The following ARID3A variants were observed in gnomAD, a reference collection of about 807,000 sequenced individuals.
ARID3A encodes AT-rich interactive domain-containing protein 3A.
A neutral mutation model predicts 52.7 loss-of-function variants in ARID3A; 11 were observed. The ratio of observed to expected loss-of-function variants is 0.21; its 90% CI spans 0.13 to 0.35. The LOEUF is 0.35. ARID3A is among the 10% of genes least tolerant of loss of function. The pLI is 1.00. For synonymous variants in ARID3A, 404 were observed against 359.4 expected (o/e 1.12, Z -1.40); for missense variants, 721 against 838.5 (o/e 0.86, Z 1.73).
chr19:966,972 A>G, intron 7 of ARID3A, 104 bp downstream of exon 7: 1 of 1,362,956 alleles, frequency 7.3e-7, no homozygotes, highest in Non-Finnish European at 9.6e-7. Flanking sequence ...AATAAGAAAA[A>G]AAAAGCCGGG....
At chr19:933,749 A>G (rs556104713) in intron 3 of ARID3A, among the ~76,000 whole-genome samples, 34 of 150,620 alleles carry the variant, frequency 2.3e-4, no homozygotes, top group African/African-American at 6.8e-4. Flanking sequence ...AGCCCTCAAG[A>G]GACTTAAGGT....
chr19:949,575 G>A lies in ARID3A; in HGVS notation c.694-10517G>A, dbSNP rs1430480181. 2.0e-5 allele frequency among the ~76,000 whole-genome samples: 3 copies of A among 152,024 alleles called. No individual in the cohort carries two copies. In the East Asian group the frequency reaches 5.8e-4, roughly 29 times the overall value. ...TCCTCCTGCCTCGGCCTCCCAAAGT[G>A]CTGGGATTATAGGCAGGAGCCGCCG... On this transcript the variant is annotated intron_variant, in intron 3 of 8. Transcript: ENST00000263620.
intron 3 of ARID3A, among the ~76,000 whole-genome samples, chr19:957,157 C>T (rs545763760): frequency 3.3e-4 from 50 of 152,144 alleles, no homozygotes; most frequent in Middle Eastern, 3.4e-3. Flanking sequence ...GTACCCCAGA[C>T]GGAGCCTCTT....
chr19:940,411 A>AG (rs1485998295), intron 3 of ARID3A, among the ~76,000 whole-genome samples: 1 of 151,566 alleles, frequency 6.6e-6, no homozygotes, highest in Non-Finnish European at 1.5e-5. Flanking sequence ...GTGTAGCAGG[A>AG]GGGGTGGGCA....
chr19:961,186 T>C (rs892506125), intron 4 of ARID3A, among the ~76,000 whole-genome samples: 1 of 152,140 alleles, frequency 6.6e-6, no homozygotes, highest in Admixed American at 6.5e-5. Flanking sequence ...CAGAGGGCTC[T>C]GTCCCTGCAC....
chr19:944,168 C>G lies in ARID3A; in HGVS notation c.693+11426C>G, dbSNP rs2037622095. Among the ~76,000 whole-genome samples, 1 of 152,190 alleles carries G rather than the reference C, an allele frequency of 6.6e-6. No homozygotes were observed. The highest frequency in any genetic ancestry group is 2.4e-5 in the African/African-American group (1 of 41,404). Reference sequence around the variant, plus strand: ...GGGCACCTGCTGTATGCCAGCCTGCCTGCGTACTGGGGACACAGCCGTGCA... The same window carrying G: ...GGGCACCTGCTGTATGCCAGCCTGCGTGCGTACTGGGGACACAGCCGTGCA... On this transcript the variant is annotated intron_variant, in intron 3 of 8. Transcript: ENST00000263620. The surrounding 1 kb of genome is among the most constrained non-coding windows in gnomAD (Gnocchi z 5.9).
Position 944,187 on chromosome 19 carries a change from C to T in ARID3A, c.693+11445C>T, listed in dbSNP as rs1269487708. On this transcript the variant is annotated intron_variant, in intron 3 of 8. Transcript: ENST00000263620. This position sits in a 1 kb window ranked among gnomAD's most constrained non-coding sequence, Gnocchi z 5.9. The stretch of plus-strand genomic sequence containing the variant: ...GCCTGCCTGCGTACTGGGGACACAG[C>T]CGTGCATGAAGCAGAAGCTCCTGCC... Among the ~76,000 whole-genome samples the T allele has an allele frequency of 2.0e-5, 3 of 152,226 alleles. No homozygotes were observed. Among genetic ancestry groups the T allele is most frequent in the Admixed American group, 1.3e-4 (2 of 15,278 alleles).
In ARID3A at chr19:965,043, T is replaced by C. The variant is rs12608658; in HGVS notation, c.1161T>C (p.Asn387=). The C allele has an allele frequency of 0.97, 1,563,549 of 1,613,254 alleles. 758,424 individuals carry two copies. Among genetic ancestry groups the C allele is most frequent in the East Asian group, 1 (44,870 of 44,876 alleles). ...CCCTGGGCCTGGCCGCAAGCACCAA[T>C]GGCAGCTCCATCACCCCCGCCCCTA... ...VSSLGLAAST[N]GSSITPAPKI... is the part of the protein sequence containing the mutation. The change falls in exon 6 of 9, where the codon AAT becomes AAC. Residue 387 remains asparagine (N), a synonymous_variant. Coordinates refer to ENST00000263620, the MANE Select transcript of ARID3A (RefSeq NM_005224.3).
At position 972,176 on chromosome 19, in the gene ARID3A, A is replaced by T; in HGVS notation, c.*111A>T. 1 of 989,402 alleles carries T rather than the reference A, an allele frequency of 1.0e-6. No individual in the cohort carries two copies. Among genetic ancestry groups the T allele is most frequent in the Non-Finnish European group, 1.4e-6 (1 of 706,462 alleles). 61.3% of individuals were successfully genotyped at this position (989,402 alleles called of 1,614,324 possible). The stretch of plus-strand genomic sequence containing the variant: ...CGGAAGATACGGGTGGGGAGGGAAG[A>T]TATCCAGAAAGGAGCCACAGCTGAC... On this transcript the variant is annotated 3_prime_UTR_variant, in exon 9 of 9. Transcript: ENST00000263620.
chr19:932,761 C>T lies in ARID3A; in HGVS notation c.693+19C>T, dbSNP rs560858374. The T allele has an allele frequency of 1.0e-3, 1,573 of 1,546,214 alleles. 4 individuals carry two copies. The highest frequency in any genetic ancestry group is 1.1e-3 in the Non-Finnish European group (1,298 of 1,146,194). On this transcript the variant is annotated intron_variant, in intron 3 of 8. Coordinates refer to ENST00000263620, the MANE Select transcript of ARID3A (RefSeq NM_005224.3). ...TAAGCAGGTGAGTGGGCGCGTCCCG[C>T]GTGGCGGCTGAGGCACCTGCTCCTG...
chr19:932,377 C>T (rs732139), intron 2 of ARID3A, 41 bp from the exon 3 acceptor site: 86,688 of 1,579,094 alleles, frequency 0.055, 2,678 homozygotes, highest in African/African-American at 0.12. Flanking sequence ...TGGGACGAGC[C>T]AGCACCTTCT....
At chr19:933,536 C>G (rs1169081403) in intron 3 of ARID3A, among the ~76,000 whole-genome samples, 1 of 152,154 alleles carries the variant, frequency 6.6e-6, no homozygotes, top group Non-Finnish European at 1.5e-5. Context: ...GGGGCTGGAG[C>G]TGGTCTGGGC....
At chr19:932,132 G>A (rs546944107) in intron 2 of ARID3A, among the ~76,000 whole-genome samples, 59 of 152,146 alleles carry the variant, frequency 3.9e-4, no homozygotes, top group African/African-American at 1.4e-3. Context: ...GAGTGCTGCC[G>A]GGATTATAGG....
intron 3 of ARID3A, among the ~76,000 whole-genome samples, chr19:937,837 G>T (rs2037468640): frequency 6.6e-6 from 1 of 151,084 alleles, no homozygotes; most frequent in African/African-American, 2.4e-5. Context: ...CTCCCGAGTA[G>T]CTGGGACTAC....
At chr19:931,436 AGT>A (rs2037324173) in intron 2 of ARID3A, among the ~76,000 whole-genome samples, 2 of 147,762 alleles carry the variant, frequency 1.4e-5, no homozygotes, top group Admixed American at 1.4e-4. Context: ...TGGGCAACAA[AGT>A]GAGACTGTGT....
rs117058565 is a variant in ARID3A at position 942,050 on chromosome 19, G to T, written c.693+9308G>T. Among the ~76,000 whole-genome samples, 4 of 152,142 alleles carry T rather than the reference G, an allele frequency of 2.6e-5. No homozygotes were observed. The highest frequency in any genetic ancestry group is 5.9e-5 in the Non-Finnish European group (4 of 68,024). On this transcript the variant is annotated intron_variant, in intron 3 of 8. Coordinates refer to ENST00000263620, the MANE Select transcript of ARID3A (RefSeq NM_005224.3). This position sits in a 1 kb window ranked among gnomAD's most constrained non-coding sequence, Gnocchi z 8.1. ...GGCGCTGTCTGTCTTGGTCAGCAGC[G>T]CGCGTCGGCCGCGGGGCACAGATCA...
At chr19:930,250 A>G (rs1208109588) in intron 2 of ARID3A, among the ~76,000 whole-genome samples, 1 of 151,854 alleles carries the variant, frequency 6.6e-6, no homozygotes, top group Non-Finnish European at 1.5e-5. Context: ...ACCCAGTCTC[A>G]AAAGAAAAAT....
chr19:943,995 C>G (rs2037616730), intron 3 of ARID3A, among the ~76,000 whole-genome samples: 1 of 150,206 alleles, frequency 6.7e-6, no homozygotes, highest in Non-Finnish European at 1.5e-5. Flanking sequence ...GCCCGACCCT[C>G]TCATGGGCAC....
In ARID3A at chr19:964,398, C is replaced by T. The variant is rs759927569; in HGVS notation, c.917C>T (p.Ser306Phe). The T allele has an allele frequency of 6.2e-7, 1 of 1,609,704 alleles. No individual in the cohort carries two copies. Among genetic ancestry groups the T allele is most frequent in the Non-Finnish European group, 8.5e-7 (1 of 1,177,962 alleles). Reference protein sequence around the residue: ...EITKGLNLPTSITSAAFTLRT... With the variant: ...EITKGLNLPTFITSAAFTLRT... ...ACCAAGGGCCTCAACCTGCCCACGT[C>T]CATCACCAGTGCAGCCTTCACCCTG... is the stretch of plus-strand genomic sequence containing the variant. The change falls in exon 5 of 9, where the codon TCC (serine) becomes TTC (phenylalanine). Residue 306 changes from serine (S) to phenylalanine (F), a missense_variant. Coordinates refer to ENST00000263620, the MANE Select transcript of ARID3A (RefSeq NM_005224.3). The surrounding 1 kb of genome is among the most constrained non-coding windows in gnomAD (Gnocchi z 5.7).
Sources: allele counts gnomAD v4.1 joint callset (sites outside exome capture counted in the v4.1 genomes callset), GRCh38; gene constraint gnomAD v4.1.1; non-coding constraint Gnocchi (gnomAD v3.1); transcripts MANE v1.5; gene names NCBI Gene and HGNC (gene_info 2026-07-23, HGNC 2026-07-21).